B3GALT1: variants seen among roughly 807,000 people sequenced by gnomAD.
B3GALT1 encodes the protein UDP-Gal:betaGlcNAc beta 1,3-galactosyltransferase, polypeptide 1.
B3GALT1 carries 10 observed loss-of-function variants against 23.2 expected under a neutral mutation model. The ratio of observed to expected loss-of-function variants is 0.43; its 90% confidence interval spans 0.27 to 0.73. B3GALT1 has a LOEUF of 0.73. Ranked by LOEUF, B3GALT1 falls within the 30% of genes least tolerant of loss-of-function variation. B3GALT1 has a pLI of 0.21. For missense variants in B3GALT1, 299 were observed against 405.4 expected (o/e 0.74, Z 2.25); for synonymous variants, 156 against 141.5 (o/e 1.10, Z -0.73).
intron 1 of B3GALT1, among the ~76,000 whole-genome samples, chr2:167,338,411 A>G (rs1382023816): frequency 6.6e-6 from 1 of 152,166 alleles, no homozygotes; most frequent in Non-Finnish European, 1.5e-5. Flanking sequence ...AAGCAGTAAA[A>G]TGTCAAGAAT....
At chr2:167,523,426 C>T (rs1298945456) in intron 2 of B3GALT1, among the ~76,000 whole-genome samples, 1 of 141,136 alleles carries the variant, frequency 7.1e-6, no homozygotes, top group Non-Finnish European at 1.5e-5. Context: ...TTGTGTATCC[C>T]TTTTTTTTTT....
chr2:167,426,998 TG>T (rs1698631892), intron 1 of B3GALT1, among the ~76,000 whole-genome samples: 7 of 152,212 alleles, frequency 4.6e-5, no homozygotes, highest in Admixed American at 4.6e-4. Flanking sequence ...AGTTGTGGTA[TG>T]TCATAGAGTA....
At chr2:167,740,855 T>C (rs1270984380) in intron 3 of B3GALT1, among the ~76,000 whole-genome samples, 1 of 152,182 alleles carries the variant, frequency 6.6e-6, no homozygotes, top group Non-Finnish European at 1.5e-5. Context: ...AACCACACTT[T>C]AGTCTTTTGG....
chr2:167,714,462 GA>G, intron 3 of B3GALT1: 1 of 1,597,374 alleles, frequency 6.3e-7, no homozygotes, highest in Non-Finnish European at 8.6e-7. Flanking sequence ...TGAGGAGAGA[GA>G]AAAGCTCTCG....
intron 3 of B3GALT1, among the ~76,000 whole-genome samples, chr2:167,706,893 A>G (rs1052658477): frequency 1.3e-5 from 2 of 152,236 alleles, no homozygotes; most frequent in African/African-American, 4.8e-5. Flanking sequence ...GAGCAGACCA[A>G]TAGAATCTGA....
intron 3 of B3GALT1, among the ~76,000 whole-genome samples, chr2:167,689,964 TG>T (rs1686683051): frequency 1.3e-5 from 2 of 152,158 alleles, no homozygotes; most frequent in African/African-American, 4.8e-5. Flanking sequence ...AATAAGGGAA[TG>T]AGCTTCGTAA....
chr2:167,536,583 T>C (rs943517512), intron 2 of B3GALT1, among the ~76,000 whole-genome samples: 2 of 152,214 alleles, frequency 1.3e-5, no homozygotes, highest in Non-Finnish European at 2.9e-5. Context: ...CTGCTCTCCA[T>C]TCTCTATCCT....
intron 1 of B3GALT1, among the ~76,000 whole-genome samples, chr2:167,380,394 T>C (rs1047819682): frequency 6.6e-6 from 1 of 152,126 alleles, no homozygotes; most frequent in Non-Finnish European, 1.5e-5. Flanking sequence ...CAGGAGAAAC[T>C]GCAGCTGTAG....
intron 1 of B3GALT1, among the ~76,000 whole-genome samples, chr2:167,447,568 C>T (rs927038996): frequency 6.6e-6 from 1 of 152,136 alleles, no homozygotes; most frequent in African/African-American, 2.4e-5. Flanking sequence ...ATGGCAGGCA[C>T]CCCTCCCCCA....
At chr2:167,306,347 G>T (rs889786210) in intron 1 of B3GALT1, among the ~76,000 whole-genome samples, 1 of 151,902 alleles carries the variant, frequency 6.6e-6, no homozygotes, top group Non-Finnish European at 1.5e-5. Context: ...TTACGTACAA[G>T]TCCTACTTTA....
intron 3 of B3GALT1, among the ~76,000 whole-genome samples, chr2:167,724,138 G>T (rs1167662251): frequency 6.6e-6 from 1 of 152,176 alleles, no homozygotes; most frequent in Non-Finnish European, 1.5e-5. Flanking sequence ...ATTCAACCAT[G>T]CCTGGTTGTG....
chr2:167,590,232 G>A (rs1684655487), intron 2 of B3GALT1, among the ~76,000 whole-genome samples: 1 of 151,516 alleles, frequency 6.6e-6, no homozygotes, highest in South Asian at 2.1e-4. Flanking sequence ...TGTAGTCCCA[G>A]CTACTTGGGA....
intron 1 of B3GALT1, among the ~76,000 whole-genome samples, chr2:167,350,302 T>G (rs140211997): frequency 2.6e-5 from 4 of 152,224 alleles, no homozygotes; most frequent in Non-Finnish European, 5.9e-5. Context: ...GCCTACCCTG[T>G]GTGTTACTGA....
chr2:167,447,173 A>G (rs1322753211), intron 1 of B3GALT1, among the ~76,000 whole-genome samples: 1 of 152,182 alleles, frequency 6.6e-6, no homozygotes, highest in Non-Finnish European at 1.5e-5. Flanking sequence ...GCTGCAGAAC[A>G]GCTAATATCG....
chr2:167,307,482 A>T (rs1916742), intron 1 of B3GALT1, among the ~76,000 whole-genome samples: 123,512 of 151,880 alleles, frequency 0.81, 51,250 homozygotes, highest in Non-Finnish European at 0.91. Flanking sequence ...AAGTGAAATG[A>T]TTTTGGATTT....
At chr2:167,581,244 A>G (rs1684478546) in intron 2 of B3GALT1, among the ~76,000 whole-genome samples, 1 of 152,230 alleles carries the variant, frequency 6.6e-6, no homozygotes, top group African/African-American at 2.4e-5. Context: ...GCACACATTT[A>G]CCTATGGAAA....
At chr2:167,321,925 A>G (rs1206699586) in intron 1 of B3GALT1, among the ~76,000 whole-genome samples, 2 of 152,068 alleles carry the variant, frequency 1.3e-5, no homozygotes, top group Non-Finnish European at 1.5e-5. Flanking sequence ...AAGTAATTAT[A>G]GGAATATTTC....
Position 167,698,137 on chromosome 2 carries a change from C to T in B3GALT1, c.-352+51171C>T, listed in dbSNP as rs144353742. Among the ~76,000 whole-genome samples the T allele has an allele frequency of 9.9e-3, 1,488 of 149,970 alleles. 19 individuals carry two copies. Among genetic ancestry groups the T allele is most frequent in the African/African-American group, 0.034 (1,372 of 40,722 alleles). On this transcript the variant is annotated intron_variant, in intron 3 of 4. Coordinates refer to ENST00000392690, the MANE Select transcript of B3GALT1 (RefSeq NM_020981.4). ...GCTTGATGGTTCTGTAGGGAGTTAA[C>T]ATCACTTAACCGCATGGTTTTGCAA...
chr2:167,748,467 T>G (rs1019509423), intron 3 of B3GALT1, among the ~76,000 whole-genome samples: 7 of 152,194 alleles, frequency 4.6e-5, no homozygotes. Context: ...TTCCTGAGAT[T>G]ATTCTTTTCA....
Sources: gnomAD v4.1 joint callset for allele counts (sites outside exome capture counted in the v4.1 genomes callset) on GRCh38, gnomAD v4.1.1 for gene constraint, MANE v1.5 for transcripts, NCBI Gene and HGNC (gene_info 2026-07-23, HGNC 2026-07-21) for gene names.